The following GLP1R variants were observed in gnomAD, a reference collection of about 807,000 sequenced individuals.
The protein encoded by GLP1R is glucagon like peptide 1 receptor, also known as glucagon-like peptide 1 receptor.
In GLP1R, 32 loss-of-function variants were observed where a neutral mutation model predicts 68.4. The observed-to-expected ratio is 0.47, with a 90% CI of 0.35 to 0.63. GLP1R has a LOEUF of 0.63. GLP1R is among the 20% of genes least tolerant of loss of function. GLP1R has a pLI of 0.00. For synonymous variants in GLP1R, 263 were observed against 244.4 expected (o/e 1.08, Z -0.71); for missense variants, 502 against 594.9 (o/e 0.84, Z 1.62).
intron 5 of GLP1R, among the ~76,000 whole-genome samples, chr6:39,066,887 C>T (rs1768534896): frequency 6.6e-6 from 1 of 152,110 alleles, no homozygotes; most frequent in Non-Finnish European, 1.5e-5. Context: ...CTCAGGACAC[C>T]AGGCAGCAAG....
At chr6:39,056,536 A>G (rs201343459) in intron 2 of GLP1R, 43 bp downstream of exon 2, 26 of 1,038,248 alleles carry the variant, frequency 2.5e-5, no homozygotes, top group Non-Finnish European at 3.8e-5. Flanking sequence ...TCCCCACCCA[A>G]CCAACTTCTG....
At position 39,088,297 on chromosome 6, in the gene GLP1R, G is replaced by GC. The variant is rs1281120315; in HGVS notation, c.*2230dup. Among the ~76,000 whole-genome samples, 1 of 149,698 alleles carries GC rather than the reference G, an allele frequency of 6.7e-6. No individual in the cohort carries two copies. Among genetic ancestry groups the GC allele is most frequent in the East Asian group, 2.0e-4 (1 of 5,078 alleles). Reference sequence around the variant, plus strand: ...CTTTGCTCCAACCCCCGCTCCCCCGGCCCCCCGAAGCTATTAATAGTCATT... The same window carrying GC: ...CTTTGCTCCAACCCCCGCTCCCCCGGCCCCCCCGAAGCTATTAATAGTCATT... On this transcript the variant is annotated 3_prime_UTR_variant, in exon 13 of 13. Transcript: ENST00000373256.
At chr6:39,050,487 G>A (rs565501229) in intron 1 of GLP1R, among the ~76,000 whole-genome samples, 2 of 152,094 alleles carry the variant, frequency 1.3e-5, no homozygotes, top group African/African-American at 4.8e-5. Context: ...CCTCTGATCC[G>A]ATTTTACTCC....
At chr6:39,068,898 A>C (rs1044809723) in intron 5 of GLP1R, among the ~76,000 whole-genome samples, 13 of 152,222 alleles carry the variant, frequency 8.5e-5, no homozygotes, top group Non-Finnish European at 1.6e-4. Flanking sequence ...TACTAATTTT[A>C]TTAAATGTTC....
rs11267089 is a variant in GLP1R, at chr6:39,056,914, AGCCTGTGCATG to A, written c.175+423_175+433del. Among the ~76,000 whole-genome samples, 1,077 of 152,316 alleles carry A rather than the reference AGCCTGTGCATG, an allele frequency of 7.1e-3. 15 individuals carry two copies. Among genetic ancestry groups the A allele is most frequent in the African/African-American group, 0.024 (1,013 of 41,566 alleles). On this transcript the variant is annotated intron_variant, in intron 2 of 12. Coordinates refer to ENST00000373256, the MANE Select transcript of GLP1R (RefSeq NM_002062.5). ...TCCATTTTTGTCCTCAGCACCTCCC[AGCCTGTGCATG>A]GACTGAGGGCTCCACAAACATATTT...
At chr6:39,056,346 G>A in intron 1 of GLP1R, 51 bp from the exon 2 acceptor site, 1 of 932,114 alleles carries the variant, frequency 1.1e-6, no homozygotes, top group South Asian at 1.4e-5. Context: ...TGAGGGGGCA[G>A]GAGAGGGGCT....
chr6:39,079,027 G>A lies in GLP1R; in HGVS notation c.954+1G>A. The A allele has an allele frequency of 6.2e-7, 1 of 1,613,668 alleles. No individual in the cohort carries two copies. Among genetic ancestry groups the A allele is most frequent in the Non-Finnish European group, 8.5e-7 (1 of 1,179,574 alleles). On this transcript the variant is annotated splice_donor_variant, in intron 9 of 12. Transcript: ENST00000373256. LOFTEE classifies it high-confidence loss of function. The surrounding 1 kb of genome is among the most constrained non-coding windows in gnomAD (Gnocchi z 4.5). ...GCTGCCCATTCTCTTTGCCATTGGG[G>A]TGAGTGATGGTGTCAGGGATGGGAG...
intron 7 of GLP1R, among the ~76,000 whole-genome samples, chr6:39,074,632 C>T (rs962417192): frequency 2.0e-5 from 3 of 152,076 alleles, no homozygotes; most frequent in Non-Finnish European, 2.9e-5. Flanking sequence ...TTCATGCGCC[C>T]ACCTCACGCT....
At chr6:39,054,758 C>T (rs1311692549) in intron 1 of GLP1R, among the ~76,000 whole-genome samples, 7 of 152,108 alleles carry the variant, frequency 4.6e-5, no homozygotes, top group Admixed American at 4.6e-4. Context: ...ATTTCTCCGT[C>T]TCTCTGCCCT....
intron 1 of GLP1R, among the ~76,000 whole-genome samples, chr6:39,050,110 C>T (rs900815235): frequency 6.6e-6 from 1 of 152,180 alleles, no homozygotes; most frequent in Admixed American, 6.5e-5. Context: ...TTTCCAGACG[C>T]ATCCTCTCCC....
In GLP1R at chr6:39,085,994, G is replaced by A; in HGVS notation, c.1313G>A (p.Cys438Tyr). Residue 438 changes from cysteine to tyrosine, a missense_variant, in exon 13 of 13, where the codon TGT (cysteine) becomes TAT (tyrosine). By Grantham distance (194) the Cys-to-Tyr change is radical. Coordinates refer to ENST00000373256, the MANE Select transcript of GLP1R (RefSeq NM_002062.5). ...QRDSSMKPLK[C>Y]PTSSLSSGAT... ...GACAGCAGCATGAAGCCCCTCAAGTGTCCCACCAGCAGCCTGAGCAGTGGA... is the reference window on the plus strand; with the variant it reads ...GACAGCAGCATGAAGCCCCTCAAGTATCCCACCAGCAGCCTGAGCAGTGGA... The A allele has an allele frequency of 1.2e-6, 2 of 1,614,016 alleles. No homozygotes were observed. Among genetic ancestry groups the A allele is most frequent in the Non-Finnish European group, 1.7e-6 (2 of 1,179,940 alleles).
chr6:39,062,871 T>C (rs1768385204), intron 3 of GLP1R, among the ~76,000 whole-genome samples: 1 of 152,184 alleles, frequency 6.6e-6, no homozygotes, highest in African/African-American at 2.4e-5. Flanking sequence ...TGAAAGGTGG[T>C]TCTAATGTCC....
chr6:39,074,398 CA>C (rs1768759384), intron 7 of GLP1R: 1 of 152,090 alleles, frequency 6.6e-6, no homozygotes, highest in Non-Finnish European at 1.5e-5. Flanking sequence ...TTCTGCCTCT[CA>C]CCACGTGGGA....
intron 7 of GLP1R, among the ~76,000 whole-genome samples, chr6:39,077,776 G>T (rs1277776084): frequency 6.6e-6 from 1 of 152,182 alleles, no homozygotes; most frequent in Non-Finnish European, 1.5e-5. Flanking sequence ...CGGACAGTTA[G>T]TTGGTCAGCT....
chr6:39,078,414 C>T, intron 8 of GLP1R, 32 bp downstream of exon 8: 3 of 1,463,314 alleles, frequency 2.1e-6, no homozygotes, highest in Non-Finnish European at 1.9e-6. Context: ...GGCGGGTGTG[C>T]CCAGGTCCCC....
At position 39,088,154 on chromosome 6, in the gene GLP1R, A is replaced by T. The variant is rs191290595; in HGVS notation, c.*2081A>T. Reference sequence around the variant, plus strand: ...TGTAAGTAGAGTTGTCTTCCCAACGAGAACTGGTGATTCCTGATTTCAGAA... The same window carrying T: ...TGTAAGTAGAGTTGTCTTCCCAACGTGAACTGGTGATTCCTGATTTCAGAA... On this transcript the variant is annotated 3_prime_UTR_variant, in exon 13 of 13. Transcript: ENST00000373256. Among the ~76,000 whole-genome samples, 1 of 152,314 alleles carries T rather than the reference A, an allele frequency of 6.6e-6. No individual in the cohort carries two copies. The highest frequency in any genetic ancestry group is 6.5e-5 in the Admixed American group (1 of 15,292).
At chr6:39,055,048 A>G (rs1391413964) in intron 1 of GLP1R, among the ~76,000 whole-genome samples, 35 of 147,276 alleles carry the variant, frequency 2.4e-4, no homozygotes. Flanking sequence ...GCCTTGGCAC[A>G]CTTATGCCAA....
In GLP1R at chr6:39,049,505, T is replaced by A. The variant is rs959406433; in HGVS notation, c.78+587T>A. On this transcript the variant is annotated intron_variant, in intron 1 of 12. Transcript: ENST00000373256. The surrounding 1 kb of genome is among the most constrained non-coding windows in gnomAD (Gnocchi z 4.5). ...GGGCCCTGCGGTGGCAGCTTGTCCT[T>A]CCCAGTGACCTCCCAGATGGAACCT... Among the ~76,000 whole-genome samples the A allele has an allele frequency of 2.0e-5, 3 of 152,062 alleles. No individual in the cohort carries two copies. Among genetic ancestry groups the A allele is most frequent in the African/African-American group, 4.8e-5 (2 of 41,374 alleles).
intron 3 of GLP1R, among the ~76,000 whole-genome samples, chr6:39,060,804 G>C (rs926803658): frequency 6.6e-6 from 1 of 152,218 alleles, no homozygotes; most frequent in African/African-American, 2.4e-5. Context: ...CCAGACCCCT[G>C]AGCTGGGTTG....
Sources: allele counts gnomAD v4.1 joint callset (sites outside exome capture counted in the v4.1 genomes callset), GRCh38; gene constraint gnomAD v4.1.1; non-coding constraint Gnocchi (gnomAD v3.1); transcripts MANE v1.5; gene names NCBI Gene and HGNC (gene_info 2026-07-23, HGNC 2026-07-21).